The following NCOR2 variants were observed in gnomAD, a reference collection of about 807,000 sequenced individuals.
The protein encoded by NCOR2 is CTG repeat protein 26.
Under a neutral mutation model 262.9 loss-of-function variants are expected in NCOR2, and 81 were observed. That is an observed-to-expected ratio of 0.31 (90% CI 0.26 to 0.37). NCOR2 has a LOEUF of 0.37. Ranked by LOEUF, NCOR2 falls within the 10% of genes least tolerant of loss-of-function variation. The pLI, the probability that NCOR2 is intolerant of heterozygous loss-of-function variation, is 1.00. For missense variants in NCOR2, 3,385 were observed against 3,621.4 expected, an observed-to-expected ratio of 0.93 and a Z score of 1.68; for synonymous variants, 1,659 against 1,559.3, an observed-to-expected ratio of 1.06 and a Z score of -1.51.
In NCOR2 at chr12:124,373,404, A is replaced by G. The variant is rs1431859130; in HGVS notation, c.2219-794T>C. On this transcript the variant is annotated intron_variant, in intron 19 of 46. Transcript: ENST00000405201. Reference sequence around the variant, plus strand: ...TGTGCAGGGGCCCCGGGCACAGTGGACAATCACGAGGCCAGTGCGTGCGCA... The same window carrying G: ...TGTGCAGGGGCCCCGGGCACAGTGGGCAATCACGAGGCCAGTGCGTGCGCA... Among the ~76,000 whole-genome samples the G allele has an allele frequency of 3.2e-4, 38 of 119,480 alleles. 1 individual carries two copies. The East Asian group carries it at 5.0e-3, about 16-fold the overall frequency. The allele number at this position is 119,480 out of a possible 152,430, so 78.4% of individuals were successfully genotyped here. A position where few individuals can be genotyped will look rare whatever the true frequency, so the allele number is the denominator to read the frequency against.
At position 124,327,644 on chromosome 12, in the gene NCOR2, GAGAC is replaced by G. The variant is rs537166315; in HGVS notation, c.6959-15_6959-12del. On this transcript the variant is annotated splice_polypyrimidine_tract_variant and intron_variant, in intron 44 of 46. Transcript: ENST00000405201. ...TATAGGTCATAAGGCCTGGGAGAGA[GAGAC>G]AGACAGACAGACAGACACATGGGGG... 6,740 of 1,583,108 alleles carry G rather than the reference GAGAC, an allele frequency of 4.3e-3. 16 individuals are homozygous for G. The highest frequency in any genetic ancestry group is 5.3e-3 in the Non-Finnish European group (6,132 of 1,166,472).
chr12:124,410,828 T>C (rs898835496), intron 13 of NCOR2, among the ~76,000 whole-genome samples: 2 of 151,208 alleles, frequency 1.3e-5, no homozygotes, highest in Non-Finnish European at 2.9e-5. Flanking sequence ...GGTCATACTG[T>C]TCCCTGTGCA....
intron 1 of NCOR2, among the ~76,000 whole-genome samples, chr12:124,545,108 A>G (rs1369247978): frequency 6.6e-6 from 1 of 152,052 alleles, no homozygotes; most frequent in Non-Finnish European, 1.5e-5. Context: ...ATCGGGGTTC[A>G]CCAGGCCACC....
At chr12:124,411,746 C>T (rs1337917486) in intron 13 of NCOR2, among the ~76,000 whole-genome samples, 2 of 152,254 alleles carry the variant, frequency 1.3e-5, no homozygotes, top group African/African-American at 4.8e-5. Flanking sequence ...CCCCACAGTC[C>T]GTGATTCACC....
intron 5 of NCOR2, among the ~76,000 whole-genome samples, chr12:124,461,344 C>T (rs975576872): frequency 6.6e-6 from 1 of 152,234 alleles, no homozygotes; most frequent in African/African-American, 2.4e-5. Flanking sequence ...AGCCAATGAG[C>T]GGCCCCGCTC....
In NCOR2 at chr12:124,490,227, C is replaced by T. The variant is rs79581483; in HGVS notation, c.106-3659G>A. On this transcript the variant is annotated intron_variant, in intron 1 of 46. Coordinates refer to ENST00000405201, the Ensembl canonical transcript of NCOR2. ...GCAGCTTCTCAGTGAGGCTCCTCCC[C>T]GACTCTCTACTTAAATCTGGGCTCC... 6.2e-3 allele frequency among the ~76,000 whole-genome samples: 945 copies of T among 152,254 alleles called. 58 individuals are homozygous for T. The East Asian group carries it at 0.14, about 22-fold the overall frequency.
chr12:124,491,058 C>T (rs1293412932), intron 1 of NCOR2, among the ~76,000 whole-genome samples: 1 of 152,242 alleles, frequency 6.6e-6, no homozygotes, highest in Non-Finnish European at 1.5e-5. Context: ...TCCAGTGTCA[C>T]AGGCACAGGC....
chr12:124,347,920 G>A lies in NCOR2; in HGVS notation c.3986-9C>T. On this transcript the variant is annotated splice_polypyrimidine_tract_variant and intron_variant, in intron 29 of 46. Coordinates refer to ENST00000405201, the Ensembl canonical transcript of NCOR2. ...GGCACGGCCCATGAGACCTGGGTAG[G>A]AGAGGGTGAGGCCATCATTCCGTGG... is the stretch of plus-strand genomic sequence containing the variant. 3.2e-6 allele frequency: 5 copies of A among 1,556,318 alleles called. No individual in the cohort carries two copies. The highest frequency in any genetic ancestry group is 4.3e-6 in the Non-Finnish European group (5 of 1,149,480).
intron 11 of NCOR2, 44 bp downstream of exon 13, chr12:124,426,578 G>T (rs2043565778): frequency 1.3e-6 from 2 of 1,525,682 alleles, no homozygotes; most frequent in African/African-American, 1.4e-5. Flanking sequence ...CAACAGGATG[G>T]GGGTGGGGGG....
chr12:124,403,821 T>C (rs969599426), intron 13 of NCOR2, among the ~76,000 whole-genome samples: 7 of 152,256 alleles, frequency 4.6e-5, no homozygotes, highest in Admixed American at 4.6e-4. Flanking sequence ...ACAGAGCAAG[T>C]GTCTGACTGC....
chr12:124,477,025 A>G (rs2047138590), intron 3 of NCOR2, among the ~76,000 whole-genome samples: 1 of 152,098 alleles, frequency 6.6e-6, no homozygotes, highest in South Asian at 2.1e-4. Flanking sequence ...AATTCCACTT[A>G]CAAGAAATGT....
At position 124,566,169 on chromosome 12, in the gene NCOR2, G is replaced by A. The variant is rs953724620; in HGVS notation, c.-165+1139C>T. 4.3e-4 allele frequency among the ~76,000 whole-genome samples: 66 copies of A among 151,988 alleles called. 1 individual carries two copies. Among genetic ancestry groups the A allele is most frequent in the East Asian group, 1.5e-3 (8 of 5,190 alleles). On this transcript the variant is annotated intron_variant, in intron 1 of 32. Coordinates refer to the NCOR2 transcript ENST00000458234. This position sits in a 1 kb window ranked among gnomAD's most constrained non-coding sequence, Gnocchi z 4.3. ...CATCCTTCCTCCAAATCTGCAAAAA[G>A]GGAAAAATAATAATAATCACAATAA...
rs1430267085 is a variant in NCOR2 at position 124,482,590 on chromosome 12, T to C, written c.411+1006A>G. ...CCCTGCCCACAAGGTCCCAGATCAG[T>C]GAGGAAGAAATGGGGATCAGAGAGG... On this transcript the variant is annotated intron_variant, in intron 3 of 46. Transcript: ENST00000405201. This position sits in a 1 kb window ranked among gnomAD's most constrained non-coding sequence, Gnocchi z 6.3. Among the ~76,000 whole-genome samples, 1 of 151,510 alleles carries C rather than the reference T, an allele frequency of 6.6e-6. No homozygotes were observed. Among genetic ancestry groups the C allele is most frequent in the Non-Finnish European group, 1.5e-5 (1 of 67,866 alleles).
chr12:124,540,361 G>T (rs990030373), upstream of NCOR2, among the ~76,000 whole-genome samples: 1 of 144,148 alleles, frequency 6.9e-6, no homozygotes, highest in Admixed American at 7.0e-5. Flanking sequence ...AGGCCCAGGG[G>T]CAAGAACCAG....
exon 36 of NCOR2, chr12:124,340,311 G>C: frequency 6.2e-7 from 1 of 1,611,994 alleles, no homozygotes; most frequent in Non-Finnish European, 8.5e-7. Flanking sequence ...CCAGATGGGT[G>C]CGTGCTCCAC....
At chr12:124,406,897 G>T (rs1419731726) in intron 13 of NCOR2, among the ~76,000 whole-genome samples, 1 of 152,208 alleles carries the variant, frequency 6.6e-6, no homozygotes, top group Admixed American at 6.5e-5. Flanking sequence ...AACAGCAAAA[G>T]CTCGCTGAGC....
chr12:124,533,896 T>C (rs2050982587), intron 1 of NCOR2, among the ~76,000 whole-genome samples: 1 of 151,734 alleles, frequency 6.6e-6, no homozygotes, highest in South Asian at 2.1e-4. Flanking sequence ...CACACATTTG[T>C]AAACTTTCTG....
At chr12:124,338,848 T>A (rs933411690) in intron 37 of NCOR2, among the ~76,000 whole-genome samples, 1 of 151,758 alleles carries the variant, frequency 6.6e-6, no homozygotes, top group Admixed American at 6.6e-5. Flanking sequence ...CATCCACTCA[T>A]CCCCACAATT....
At chr12:124,437,115 A>AAATG (rs2044379546) in intron 8 of NCOR2, among the ~76,000 whole-genome samples, 1 of 149,112 alleles carries the variant, frequency 6.7e-6, no homozygotes, top group African/African-American at 2.6e-5. Flanking sequence ...ATAAACAAAT[A>AAATG]AAATGAAATG....
Sources: gnomAD v4.1 joint callset for allele counts (sites outside exome capture counted in the v4.1 genomes callset) on GRCh38, gnomAD v4.1.1 for gene constraint, Gnocchi (gnomAD v3.1) non-coding constraint, MANE v1.5 for transcripts, NCBI Gene and HGNC (gene_info 2026-07-23, HGNC 2026-07-21) for gene names.